Variants in NDC1 observed in about 807,000 individuals in gnomAD.
NDC1 encodes the protein nucleoporin NDC1.
Under a neutral mutation model 89.8 loss-of-function variants are expected in NDC1, and 24 were observed. The ratio of observed to expected loss-of-function variants is 0.27; its 90% CI spans 0.19 to 0.38. The LOEUF (loss-of-function observed/expected upper bound fraction) is 0.38. NDC1 is among the 10% of genes least tolerant of loss of function. The pLI is 1.00. For missense variants in NDC1, 728 were observed against 797.6 expected, an observed-to-expected ratio of 0.91 and a Z score of 1.05; for synonymous variants, 296 against 284.8, an observed-to-expected ratio of 1.04 and a Z score of -0.39.
chr1:53,790,423 T>C (rs893784712), intron 14 of NDC1, among the ~76,000 whole-genome samples: 1 of 145,064 alleles, frequency 6.9e-6, no homozygotes, highest in African/African-American at 2.6e-5. Flanking sequence ...AATAAAAAAA[T>C]TGGCTGGGCG....
chr1:53,825,666 T>G (rs1024915132), intron 5 of NDC1, 132 bp downstream of exon 5: 1 of 749,472 alleles, frequency 1.3e-6, no homozygotes, highest in African/African-American at 1.8e-5. Flanking sequence ...AAATGGCATT[T>G]TGAGGATTTC....
chr1:53,768,757 T>A (rs899821080), intron 17 of NDC1, among the ~76,000 whole-genome samples: 10 of 152,204 alleles, frequency 6.6e-5, no homozygotes, highest in African/African-American at 2.4e-4. Context: ...GTGTTATGAA[T>A]TGCCCTAAAA....
chr1:53,836,239 G>C (rs1032290028), intron 1 of NDC1, among the ~76,000 whole-genome samples: 4 of 152,092 alleles, frequency 2.6e-5, no homozygotes, highest in African/African-American at 9.7e-5. Context: ...AGACAATGCA[G>C]TTAGGAGGCA....
chr1:53,781,465 T>G (rs564628466), intron 16 of NDC1, among the ~76,000 whole-genome samples: 41 of 152,330 alleles, frequency 2.7e-4, no homozygotes, highest in African/African-American at 9.6e-4. Context: ...GTCTGGCCAC[T>G]GGCTGAAACC....
intron 4 of NDC1, among the ~76,000 whole-genome samples, chr1:53,827,766 C>T (rs1344432746): frequency 6.6e-6 from 1 of 152,158 alleles, no homozygotes; most frequent in Non-Finnish European, 1.5e-5. Context: ...TCTCAAAGAG[C>T]TTATAGTCTA....
rs758317817 is a variant in NDC1, at chr1:53,796,773, A to C, written c.1500T>G (p.Ser500=). The C allele has an allele frequency of 1.2e-6, 2 of 1,609,768 alleles. No homozygotes were observed. Among genetic ancestry groups the C allele is most frequent in the Admixed American group, 3.4e-5 (2 of 58,538 alleles). Residue 500 remains serine, a synonymous_variant, in exon 13 of 18, where the codon TCT becomes TCG. Coordinates refer to ENST00000371429, the MANE Select transcript of NDC1 (RefSeq NM_018087.5). The part of the protein sequence containing the change: ...DQQMTEFSNP[S]PSTSISAEGK... ...CCTCAGCACTAATAGAGGTAGATGG[A>C]GAAGGATTAGAAAATTCAGTCATTT...
intron 5 of NDC1, among the ~76,000 whole-genome samples, chr1:53,821,251 T>C (rs1363993955): frequency 2.0e-5 from 3 of 151,900 alleles, no homozygotes; most frequent in Non-Finnish European, 2.9e-5. Context: ...CTGGCCATCA[T>C]GGCAAAGCCC....
At chr1:53,832,447 T>C (rs543429084) in intron 3 of NDC1, 43 bp downstream of exon 3, 19 of 1,039,154 alleles carry the variant, frequency 1.8e-5, no homozygotes, top group Middle Eastern at 4.2e-4. Flanking sequence ...CTTAGTTAAA[T>C]AAATTCGCAT....
At chr1:53,834,440 C>G (rs191541845) in intron 2 of NDC1, among the ~76,000 whole-genome samples, 1 of 152,322 alleles carries the variant, frequency 6.6e-6, no homozygotes, top group East Asian at 1.9e-4. Context: ...CGTACGTCAA[C>G]AAGAAACTTA....
chr1:53,798,135 C>T (rs1016834910), intron 11 of NDC1, among the ~76,000 whole-genome samples: 43 of 106,366 alleles, frequency 4.0e-4, no homozygotes, highest in African/African-American at 1.4e-3. Flanking sequence ...ATTCCATCTT[C>T]TTTTTATTAT....
chr1:53,791,247 G>A (rs557222134), intron 14 of NDC1, among the ~76,000 whole-genome samples: 5 of 152,116 alleles, frequency 3.3e-5, no homozygotes, highest in South Asian at 2.1e-4. Flanking sequence ...CTAAAACTCC[G>A]TCTCTACTAA....
chr1:53,820,251 T>A (rs1392508403), intron 5 of NDC1, among the ~76,000 whole-genome samples: 1 of 150,184 alleles, frequency 6.7e-6, no homozygotes, highest in East Asian at 2.0e-4. Context: ...TGAGACTCTG[T>A]CTCAAAAAAA....
intron 17 of NDC1, among the ~76,000 whole-genome samples, chr1:53,772,002 GC>G (rs1176612818): frequency 2.0e-5 from 3 of 152,048 alleles, no homozygotes; most frequent in African/African-American, 7.2e-5. Context: ...GTTTTAATAT[GC>G]TTTTCTGGAA....
chr1:53,797,454 A>G (rs530813316), intron 11 of NDC1, among the ~76,000 whole-genome samples: 1 of 152,256 alleles, frequency 6.6e-6, no homozygotes, highest in East Asian at 1.9e-4. Context: ...ATCAATTCAC[A>G]TTTTATTTCT....
chr1:53,787,866 TAA>T (rs10714462), intron 15 of NDC1, among the ~76,000 whole-genome samples: 1,951 of 134,946 alleles, frequency 0.014, 31 homozygotes, highest in African/African-American at 0.045. Flanking sequence ...GCCAGGAAAT[TAA>T]AAAAAAAAAA....
intron 11 of NDC1, among the ~76,000 whole-genome samples, chr1:53,798,180 ATTATT>A (rs1269349397): frequency 7.0e-6 from 1 of 143,232 alleles, no homozygotes; most frequent in Admixed American, 7.5e-5. Flanking sequence ...TATTATTATT[ATTATT>A]TTGAGATAGA....
intron 13 of NDC1, 50 bp downstream of exon 13, chr1:53,796,639 T>C (rs916456186): frequency 8.3e-7 from 1 of 1,198,136 alleles, no homozygotes. Flanking sequence ...AGATCCTTAA[T>C]GTTCTCAATT....
intron 5 of NDC1, among the ~76,000 whole-genome samples, chr1:53,821,384 A>C (rs1230310200): frequency 6.6e-6 from 1 of 152,198 alleles, no homozygotes; most frequent in Non-Finnish European, 1.5e-5. Context: ...TTCAAGTTGC[A>C]GTGAGCCGAG....
At chr1:53,813,488 T>G (rs1157310647) in intron 6 of NDC1, among the ~76,000 whole-genome samples, 3 of 152,098 alleles carry the variant, frequency 2.0e-5, no homozygotes, top group African/African-American at 7.2e-5. Context: ...TATTCTTATA[T>G]CAGACAAAAC....
Sources: allele counts gnomAD v4.1 joint callset (sites outside exome capture counted in the v4.1 genomes callset), GRCh38; gene constraint gnomAD v4.1.1; transcripts MANE v1.5; gene names NCBI Gene and HGNC (gene_info 2026-07-23, HGNC 2026-07-21).